PTPRE: variants seen among roughly 807,000 people sequenced by gnomAD.
PTPRE encodes the protein receptor-type tyrosine-protein phosphatase epsilon.
Under a neutral mutation model 102.0 loss-of-function variants are expected in PTPRE, and 51 were observed. The ratio of observed to expected loss-of-function variants is 0.50; its 90% confidence interval spans 0.40 to 0.63. The LOEUF is 0.63. Ranked by LOEUF, PTPRE falls within the 30% of genes least tolerant of loss-of-function variation. The pLI is 0.00. For missense variants in PTPRE, 752 were observed against 915.1 expected, an observed-to-expected ratio of 0.82 and a Z score of 2.30; for synonymous variants, 345 against 348.2, an observed-to-expected ratio of 0.99 and a Z score of 0.10.
In PTPRE at chr10:128,063,016, C is replaced by T. The variant is rs1260534224; in HGVS notation, c.626-67C>T. On this transcript the variant is annotated intron_variant, in intron 9 of 20. Coordinates refer to ENST00000254667, the MANE Select transcript of PTPRE (RefSeq NM_006504.6). Reference sequence around the variant, plus strand: ...GTCCAGGGGCCAACGGCCAGGGTGCCGGGGCTGGGACCCCAAAGGGACTTC... The same window carrying T: ...GTCCAGGGGCCAACGGCCAGGGTGCTGGGGCTGGGACCCCAAAGGGACTTC... 4.4e-6 allele frequency: 7 copies of T among 1,598,600 alleles called. No individual in the cohort carries two copies. In the Admixed American group the frequency reaches 6.8e-5, roughly 16 times the overall value.
In PTPRE at chr10:127,942,309, T is replaced by G. The variant is rs1427006005; in HGVS notation, c.-31+35000T>G. On this transcript the variant is annotated intron_variant, in intron 1 of 20. Transcript: ENST00000254667. ...ATGTTGAGGAAAGGTGATCAGAGGT[T>G]TGGGTGCTGTTCATCAACCTGTCTA... 5.3e-5 allele frequency among the ~76,000 whole-genome samples: 8 copies of G among 152,286 alleles called. No individual in the cohort carries two copies. In the East Asian group the frequency reaches 5.8e-4, roughly 11 times the overall value.
intron 11 of PTPRE, among the ~76,000 whole-genome samples, chr10:128,067,252 A>C (rs1253162524): frequency 6.6e-6 from 1 of 151,540 alleles, no homozygotes; most frequent in East Asian, 1.9e-4. Context: ...ACACACATTC[A>C]TGCACATGCA....
chr10:128,056,035 C>A, intron 6 of PTPRE, 88 bp from the exon 7 acceptor site: 1 of 1,075,396 alleles, frequency 9.3e-7, no homozygotes, highest in Non-Finnish European at 1.4e-6. Context: ...CACGTGTTTT[C>A]ATTAATTCCT....
At chr10:127,985,340 T>C (rs12219942) in intron 2 of PTPRE, among the ~76,000 whole-genome samples, 46,632 of 152,268 alleles carry the variant, frequency 0.31, 7,251 homozygotes, top group East Asian at 0.39. Flanking sequence ...CCCAGAACTT[T>C]GGGAGGCCAA....
At chr10:127,997,421 G>A in intron 2 of PTPRE, among the ~76,000 whole-genome samples, 1 of 152,212 alleles carries the variant, frequency 6.6e-6, no homozygotes, top group East Asian at 1.9e-4. Context: ...CCTGGACTCA[G>A]GGGCTGCAGC....
At chr10:127,932,200 C>T (rs983460023) in intron 1 of PTPRE, among the ~76,000 whole-genome samples, 5 of 152,212 alleles carry the variant, frequency 3.3e-5, no homozygotes, top group Non-Finnish European at 4.4e-5. Flanking sequence ...AAGAAAAAAA[C>T]ATTGAAAAAG....
intron 1 of PTPRE, among the ~76,000 whole-genome samples, chr10:127,943,638 T>G (rs1368540951): frequency 2.0e-5 from 3 of 152,302 alleles, no homozygotes; most frequent in Non-Finnish European, 4.4e-5. Context: ...GCAGGAGGCT[T>G]CCAGGGCAGC....
rs767756627 is a variant in PTPRE, at chr10:128,069,693, G to A, written c.1009G>A (p.Ala337Thr). 6 of 1,614,156 alleles carry A rather than the reference G, an allele frequency of 3.7e-6. No homozygotes were observed. Among genetic ancestry groups the A allele is most frequent in the South Asian group, 1.1e-5 (1 of 91,086 alleles). Reference protein sequence around the residue: ...HAGPIVVHCSAGVGRTGTFIV... With the variant: ...HAGPIVVHCSTGVGRTGTFIV... ...CAGCATCTTTCTCTTTCCCCAAAGC[G>A]CGGGCGTGGGCCGGACGGGCACCTT... Residue 337 changes from alanine (A) to threonine (T), a missense_variant and splice_region_variant, in exon 13 of 21, where the codon GCG (alanine) becomes ACG (threonine). Transcript: ENST00000254667.
At chr10:128,033,433 T>G (rs1846939873) in intron 2 of PTPRE, among the ~76,000 whole-genome samples, 4 of 152,214 alleles carry the variant, frequency 2.6e-5, no homozygotes, top group Non-Finnish European at 5.9e-5. Context: ...ATTCATTTCA[T>G]GGAATCCCAA....
chr10:128,056,829 C>G (rs914906713), intron 7 of PTPRE, among the ~76,000 whole-genome samples: 2 of 151,972 alleles, frequency 1.3e-5, no homozygotes, highest in African/African-American at 4.8e-5. Flanking sequence ...TCTCGGTGAC[C>G]TGCTCCAGCT....
chr10:127,987,851 A>T (rs1167464756), intron 2 of PTPRE, among the ~76,000 whole-genome samples: 1 of 152,218 alleles, frequency 6.6e-6, no homozygotes, highest in Non-Finnish European at 1.5e-5. Context: ...TGGCATTTTA[A>T]TTAAGTGACA....
At chr10:127,939,972 G>A (rs1190352084) in intron 1 of PTPRE, among the ~76,000 whole-genome samples, 2 of 151,694 alleles carry the variant, frequency 1.3e-5, no homozygotes, top group African/African-American at 2.4e-5. Context: ...GCAGGCAGAT[G>A]TGGGCGGGTG....
chr10:127,955,506 T>C (rs1032553743), intron 1 of PTPRE, among the ~76,000 whole-genome samples: 2 of 152,240 alleles, frequency 1.3e-5, no homozygotes, highest in African/African-American at 4.8e-5. Flanking sequence ...TGTGTATAGA[T>C]GCATATAGTA....
At chr10:127,984,964 T>A (rs1652066811) in intron 2 of PTPRE, among the ~76,000 whole-genome samples, 2 of 152,260 alleles carry the variant, frequency 1.3e-5, no homozygotes, top group African/African-American at 4.8e-5. Flanking sequence ...TTTTCACTGC[T>A]AAGCATTTGA....
In PTPRE at chr10:128,008,105, G is replaced by A. The variant is rs991553241; in HGVS notation, c.-8+25809G>A. ...ACTGGGGAGGCACAGGAGGCACCAC[G>A]CCACGTGTGCCTGTCTGCAGAGTCC... On this transcript the variant is annotated intron_variant, in intron 2 of 20. Transcript: ENST00000254667. The surrounding 1 kb of genome is among the most constrained non-coding windows in gnomAD (Gnocchi z 4.0). Among the ~76,000 whole-genome samples, 5 of 152,152 alleles carry A rather than the reference G, an allele frequency of 3.3e-5. No individual in the cohort carries two copies. Among genetic ancestry groups the A allele is most frequent in the South Asian group, 2.1e-4 (1 of 4,832 alleles).
At chr10:128,033,846 T>C (rs1214645416) in intron 2 of PTPRE, among the ~76,000 whole-genome samples, 2 of 152,204 alleles carry the variant, frequency 1.3e-5, no homozygotes, top group African/African-American at 4.8e-5. Context: ...GGTTTTGCCA[T>C]GTTGGCCAGG....
At chr10:127,952,284 T>A (rs1849084285) in intron 1 of PTPRE, among the ~76,000 whole-genome samples, 1 of 152,072 alleles carries the variant, frequency 6.6e-6, no homozygotes, top group Non-Finnish European at 1.5e-5. Context: ...AGAAACAGGA[T>A]GTAATATGCC....
In PTPRE at chr10:127,920,943, A is replaced by C. The variant is rs1201315384; in HGVS notation, c.-31+13634A>C. Among the ~76,000 whole-genome samples the C allele has an allele frequency of 2.0e-5, 3 of 152,310 alleles. No homozygotes were observed. The East Asian group carries it at 5.8e-4, about 29-fold the overall frequency. On this transcript the variant is annotated intron_variant, in intron 1 of 20. Coordinates refer to ENST00000254667, the MANE Select transcript of PTPRE (RefSeq NM_006504.6). ...AGGGCGTTTCCCTACAGATCAACCCAGACATGAGTCTCCTTGGCTCTGACG... is the reference window on the plus strand; with the variant it reads ...AGGGCGTTTCCCTACAGATCAACCCCGACATGAGTCTCCTTGGCTCTGACG...
intron 6 of PTPRE, among the ~76,000 whole-genome samples, chr10:128,053,434 A>G (rs1375834082): frequency 6.6e-6 from 1 of 152,206 alleles, no homozygotes; most frequent in African/African-American, 2.4e-5. Context: ...AGACCCCTCC[A>G]GGTGCTCTCC....
Sources: gnomAD v4.1 joint callset for allele counts (sites outside exome capture counted in the v4.1 genomes callset) on GRCh38, gnomAD v4.1.1 for gene constraint, Gnocchi (gnomAD v3.1) non-coding constraint, MANE v1.5 for transcripts, NCBI Gene and HGNC (gene_info 2026-07-23, HGNC 2026-07-21) for gene names.